The following THOC1 variants were observed in gnomAD, a reference collection of about 807,000 sequenced individuals.
The protein encoded by THOC1 is THO complex 1.
A neutral mutation model predicts 97.3 loss-of-function variants in THOC1; 29 were observed. That is an observed-to-expected ratio of 0.30 (90% CI 0.22 to 0.41). THOC1 has a LOEUF of 0.41. Ranked by LOEUF, THOC1 falls within the 10% of genes least tolerant of loss-of-function variation. The pLI, the probability that THOC1 is intolerant of heterozygous loss-of-function variation, is 1.00. For synonymous variants in THOC1, 255 were observed against 257.0 expected, an observed-to-expected ratio of 0.99 and a Z score of 0.07; for missense variants, 529 against 761.9, an observed-to-expected ratio of 0.69 and a Z score of 3.60.
intron 4 of THOC1, among the ~76,000 whole-genome samples, chr18:261,732 C>T (rs1159592339): frequency 1.5e-4 from 23 of 152,154 alleles, no homozygotes; most frequent in Admixed American, 1.5e-3. Context: ...ATATTTTCTG[C>T]CCTTAGTTGC....
At chr18:218,657 T>C (rs926873389) in intron 18 of THOC1, among the ~76,000 whole-genome samples, 4 of 152,032 alleles carry the variant, frequency 2.6e-5, no homozygotes, top group Non-Finnish European at 5.9e-5. Context: ...GGGAGTTTTT[T>C]TTTTCTTATA....
chr18:216,244 ACCCACAGCC>A, intron 19 of THOC1: 1 of 410,672 alleles, frequency 2.4e-6, no homozygotes, highest in Non-Finnish European at 4.3e-6. Context: ...GAGCCACCGC[ACCCACAGCC>A]CTGTTGAACT....
chr18:221,698 TC>T (rs1911089023), intron 17 of THOC1, among the ~76,000 whole-genome samples: 1 of 142,356 alleles, frequency 7.0e-6, no homozygotes, highest in African/African-American at 2.6e-5. Flanking sequence ...AAGCTCCGCC[TC>T]CCAGGTTCAC....
chr18:265,510 C>A lies in THOC1; in HGVS notation c.75G>T (p.Leu25Phe). ...ACAATGGCTTGATGTTTTTGTTGTTCAAGGCCTCTCTGGTAGACTTCTAAA... is the reference window on the plus strand; with the variant it reads ...ACAATGGCTTGATGTTTTTGTTGTTAAAGGCCTCTCTGGTAGACTTCTAAA... Reference protein sequence around the residue: ...TRFTKSTREALNNKNIKPLLS... With the variant: ...TRFTKSTREAFNNKNIKPLLS... Residue 25 changes from leucine to phenylalanine, a missense_variant, in exon 2 of 21, where the codon TTG (leucine) becomes TTT (phenylalanine). Leu to Phe is a conservative substitution (Grantham distance 22, BLOSUM62 0). Coordinates refer to ENST00000261600, the MANE Select transcript of THOC1 (RefSeq NM_005131.3). The A allele has an allele frequency of 6.3e-7, 1 of 1,591,258 alleles. No homozygotes were observed. The highest frequency in any genetic ancestry group is 8.6e-7 in the Non-Finnish European group (1 of 1,168,982).
intron 9 of THOC1, among the ~76,000 whole-genome samples, chr18:249,359 G>C (rs186732915): frequency 6.6e-6 from 1 of 152,028 alleles, no homozygotes; most frequent in South Asian, 2.1e-4. Context: ...GGTTTTCTAT[G>C]AATTGGGTTT....
chr18:224,310 G>A, intron 15 of THOC1, 131 bp from the exon 16 acceptor site: 1 of 696,520 alleles, frequency 1.4e-6, no homozygotes, highest in Non-Finnish European at 2.4e-6. Context: ...TGGGCATGGT[G>A]GCTCATGCCT....
chr18:236,753 C>T (rs929670703), intron 11 of THOC1, among the ~76,000 whole-genome samples: 17 of 152,122 alleles, frequency 1.1e-4, no homozygotes, highest in Admixed American at 9.8e-4. Context: ...GTACATGGGA[C>T]GCTCAGAGCA....
At chr18:234,159 T>C (rs1370182856) in intron 11 of THOC1, among the ~76,000 whole-genome samples, 3 of 152,246 alleles carry the variant, frequency 2.0e-5, no homozygotes, top group Non-Finnish European at 2.9e-5. Flanking sequence ...GAAGTTTCAT[T>C]AGTTCTAACA....
rs1294429499 is a variant in THOC1 at position 216,649 on chromosome 18, T to C, written c.1455-16A>G. 1 of 1,606,832 alleles carries C rather than the reference T, an allele frequency of 6.2e-7. No individual in the cohort carries two copies. Among genetic ancestry groups the C allele is most frequent in the Admixed American group, 1.7e-5 (1 of 58,846 alleles). On this transcript the variant is annotated splice_polypyrimidine_tract_variant and intron_variant, in intron 18 of 20. Coordinates refer to ENST00000261600, the MANE Select transcript of THOC1 (RefSeq NM_005131.3). ...GTTCACAGCCCTATAAAAAGAGGTG[T>C]CAGGCTTGTAATTTATAGCTTTGTA...
intron 17 of THOC1, 62 bp from the exon 18 acceptor site, chr18:219,031 AGTG>A: frequency 2.0e-6 from 1 of 512,348 alleles, no homozygotes; most frequent in Non-Finnish European, 2.8e-6. Flanking sequence ...ATACTCATGA[AGTG>A]GTGGCAGGAC....
chr18:253,506 T>C lies in THOC1; in HGVS notation c.603+767A>G, dbSNP rs9946523. ...TTTCAGAATAGTATGAATGACCTCATTCTGGAGAAAAACAACATGTTTGTA... is the reference window on the plus strand; with the variant it reads ...TTTCAGAATAGTATGAATGACCTCACTCTGGAGAAAAACAACATGTTTGTA... On this transcript the variant is annotated intron_variant, in intron 8 of 20. Coordinates refer to ENST00000261600, the MANE Select transcript of THOC1 (RefSeq NM_005131.3). 6.4e-3 allele frequency among the ~76,000 whole-genome samples: 980 copies of C among 152,294 alleles called. 8 individuals are homozygous for C. Among genetic ancestry groups the C allele is most frequent in the African/African-American group, 0.022 (916 of 41,558 alleles).
intron 1 of THOC1, 51 bp downstream of exon 1, chr18:267,915 G>C: frequency 6.4e-7 from 1 of 1,554,052 alleles, no homozygotes. Context: ...AGGGAGAAGA[G>C]GACAAAGCAT....
At chr18:229,342 C>T (rs1319906713) in intron 11 of THOC1, among the ~76,000 whole-genome samples, 1 of 152,204 alleles carries the variant, frequency 6.6e-6, no homozygotes, top group African/African-American at 2.4e-5. Context: ...CCAATCAGCT[C>T]CTCAACCTGC....
rs1912367629 is a variant in THOC1 at position 254,188 on chromosome 18, A to C, written c.603+85T>G. On this transcript the variant is annotated intron_variant, in intron 8 of 20. Transcript: ENST00000261600. This position sits in a 1 kb window ranked among gnomAD's most constrained non-coding sequence, Gnocchi z 4.1. ...CAGCCTCCCAAAGTGCTAGGATTAC[A>C]AGTGTGAGCCACTGTGCCTGGACCC... The C allele has an allele frequency of 3.2e-6, 3 of 942,430 alleles. No individual in the cohort carries two copies. Among genetic ancestry groups the C allele is most frequent in the South Asian group, 2.8e-5 (2 of 71,466 alleles). The allele number at this position is 942,430 out of a possible 1,614,324, so 58.4% of individuals were successfully genotyped here. A position where few individuals can be genotyped will look rare whatever the true frequency, so the allele number is the denominator to read the frequency against.
rs781756311 is a variant in THOC1, at chr18:215,494, T to C, written c.1613A>G (p.Glu538Gly). 1.2e-6 allele frequency: 2 copies of C among 1,612,790 alleles called. No homozygotes were observed. The highest frequency in any genetic ancestry group is 1.7e-6 in the Non-Finnish European group (2 of 1,179,020). Residue 538 changes from glutamate to glycine, a missense_variant, in exon 20 of 21, where the codon GAA (glutamate) becomes GGA (glycine). Glu to Gly is a moderately conservative substitution (Grantham distance 98, BLOSUM62 -2). Coordinates refer to ENST00000261600, the MANE Select transcript of THOC1 (RefSeq NM_005131.3). ...KLAKELPPPS[E>G]EIKTGEDEDE... ...TTCATCCTCACCTGTTTTTATTTCT[T>C]CAGAAGGAGGCTAAAAATGAGAAAG...
chr18:257,254 A>G (rs1232866587), intron 7 of THOC1, among the ~76,000 whole-genome samples: 1 of 152,216 alleles, frequency 6.6e-6, no homozygotes, highest in East Asian at 1.9e-4. Flanking sequence ...ATTCATGACT[A>G]TTCCAGAACA....
intron 1 of THOC1, 34 bp downstream of exon 1, chr18:267,932 G>C (rs1324851703): frequency 6.3e-7 from 1 of 1,585,892 alleles, no homozygotes; most frequent in East Asian, 2.3e-5. Context: ...GCATAGCGCC[G>C]GGTCAGGCCT....
At chr18:240,996 A>ATGC (rs1598298749) in intron 11 of THOC1, among the ~76,000 whole-genome samples, 1 of 152,138 alleles carries the variant, frequency 6.6e-6, no homozygotes, top group East Asian at 1.9e-4. Context: ...TGAGAATCTA[A>ATGC]TGCTGCTGCT....
intron 17 of THOC1, among the ~76,000 whole-genome samples, chr18:222,036 T>G (rs1911112243): frequency 6.6e-6 from 1 of 152,226 alleles, no homozygotes; most frequent in Non-Finnish European, 1.5e-5. Context: ...CCTCCTCTCC[T>G]ACCTTCTAAT....
Sources: allele counts gnomAD v4.1 joint callset (sites outside exome capture counted in the v4.1 genomes callset), GRCh38; gene constraint gnomAD v4.1.1; non-coding constraint Gnocchi (gnomAD v3.1); transcripts MANE v1.5; gene names NCBI Gene and HGNC (gene_info 2026-07-23, HGNC 2026-07-21).